CNTNAP5: variants seen among roughly 807,000 people sequenced by gnomAD.
The protein encoded by CNTNAP5 is contactin-associated protein-like 5.
Under a neutral mutation model 150.2 loss-of-function variants are expected in CNTNAP5, and 72 were observed. The observed-to-expected ratio is 0.48, with a 90% CI of 0.40 to 0.58. The LOEUF (loss-of-function observed/expected upper bound fraction) is 0.58. Among genes scored for constraint, CNTNAP5 ranks in the 20% least tolerant of loss-of-function variants. The probability of loss-of-function intolerance (pLI) is 0.00; values close to 1 mark genes in which losing one functional copy is unlikely to be tolerated. For missense variants in CNTNAP5, 1,636 were observed against 1,626.2 expected, an observed-to-expected ratio of 1.01 and a Z score of -0.10; for synonymous variants, 672 against 619.8, an observed-to-expected ratio of 1.08 and a Z score of -1.25.
At chr2:124,221,152 G>A (rs1439540830) in intron 1 of CNTNAP5, among the ~76,000 whole-genome samples, 5 of 152,192 alleles carry the variant, frequency 3.3e-5, no homozygotes, top group South Asian at 2.1e-4. Flanking sequence ...ACTGCTTCAC[G>A]GAATAGAAAT....
At chr2:124,442,261 T>C (rs1692693793) in intron 5 of CNTNAP5, among the ~76,000 whole-genome samples, 1 of 152,078 alleles carries the variant, frequency 6.6e-6, no homozygotes, top group Non-Finnish European at 1.5e-5. Flanking sequence ...GAGATGGTGG[T>C]GATGATGGTG....
chr2:124,038,990 T>C (rs1230065838), intron 1 of CNTNAP5, among the ~76,000 whole-genome samples: 2 of 152,328 alleles, frequency 1.3e-5, no homozygotes, highest in Admixed American at 6.5e-5. Flanking sequence ...ACTTCAAATA[T>C]GATCTCTGCC....
At chr2:124,118,690 CAGAG>C (rs1416523285) in intron 1 of CNTNAP5, among the ~76,000 whole-genome samples, 1 of 152,154 alleles carries the variant, frequency 6.6e-6, no homozygotes, top group Non-Finnish European at 1.5e-5. Flanking sequence ...TGCTATGTGA[CAGAG>C]AGAGACACGT....
At chr2:124,618,439 C>T (rs1677536502) in intron 12 of CNTNAP5, among the ~76,000 whole-genome samples, 1 of 151,696 alleles carries the variant, frequency 6.6e-6, no homozygotes, top group Non-Finnish European at 1.5e-5. Flanking sequence ...AGTGTAGGGA[C>T]TATAGCACAG....
At chr2:124,456,673 A>C (rs1010768001) in intron 6 of CNTNAP5, among the ~76,000 whole-genome samples, 1 of 152,300 alleles carries the variant, frequency 6.6e-6, no homozygotes, top group South Asian at 2.1e-4. Flanking sequence ...ACTATACTAT[A>C]AGGCCATAGT....
intron 1 of CNTNAP5, among the ~76,000 whole-genome samples, chr2:124,120,821 C>T (rs79064026): frequency 0.011 from 1,726 of 152,192 alleles, 41 homozygotes; most frequent in African/African-American, 0.039. Context: ...TCATTTTTCT[C>T]GTTATATGAC....
intron 19 of CNTNAP5, among the ~76,000 whole-genome samples, chr2:124,855,973 C>T (rs1443390895): frequency 6.6e-6 from 1 of 152,064 alleles, no homozygotes; most frequent in Non-Finnish European, 1.5e-5. Flanking sequence ...GTTTGGTTTT[C>T]CATGACTGAG....
chr2:124,566,751 T>G lies in CNTNAP5; in HGVS notation c.1756+3428T>G, dbSNP rs186864084. On this transcript the variant is annotated intron_variant, in intron 11 of 23. Transcript: ENST00000682447. ...TCTAACTAATTTCCCCCTCCCCCAG[T>G]TGAATGAGGACCATTGTTTTTAGTC... Among the ~76,000 whole-genome samples the G allele has an allele frequency of 5.3e-5, 8 of 152,284 alleles. No individual in the cohort carries two copies. The East Asian group carries it at 1.5e-3, about 29-fold the overall frequency.
rs780929002 is a variant in CNTNAP5, at chr2:124,713,240, TTTC to T, written c.2078-33987_2078-33985del. Among the ~76,000 whole-genome samples, 68 of 40,310 alleles carry T rather than the reference TTTC, an allele frequency of 1.7e-3. 6 individuals are homozygous for T. The highest frequency in any genetic ancestry group is 0.014 in the South Asian group (14 of 978). The allele number at this position is 40,310 out of a possible 152,430, so 26.4% of individuals were successfully genotyped here. On this transcript the variant is annotated intron_variant, in intron 13 of 23. Coordinates refer to ENST00000682447, the MANE Select transcript of CNTNAP5 (RefSeq NM_001367498.1). ...CTCTGTTTCTTTCTTTCTTTCTTTC[TTTC>T]TCTTTCTTTCTTTCTTTCTTTCTTT...
Position 124,787,715 on chromosome 2 carries a change from G to A in CNTNAP5, c.2753-2187G>A, listed in dbSNP as rs76268596. Among the ~76,000 whole-genome samples the A allele has an allele frequency of 3.2e-4, 49 of 151,920 alleles. No individual in the cohort carries two copies. In the East Asian group the frequency reaches 9.1e-3, roughly 28 times the overall value. ...CCTCAAAGCCATTGACCCACCATTGGGCCAGTCTGACTAATGCCAGGAATT... is the reference window on the plus strand; with the variant it reads ...CCTCAAAGCCATTGACCCACCATTGAGCCAGTCTGACTAATGCCAGGAATT... On this transcript the variant is annotated intron_variant, in intron 17 of 23. Coordinates refer to ENST00000682447, the MANE Select transcript of CNTNAP5 (RefSeq NM_001367498.1).
intron 2 of CNTNAP5, among the ~76,000 whole-genome samples, chr2:124,234,421 G>A (rs551264955): frequency 4.6e-5 from 7 of 152,254 alleles, no homozygotes; most frequent in Non-Finnish European, 7.4e-5. Context: ...GTATTTAAAC[G>A]TGGCTACTGT....
rs1335112343 is a variant in CNTNAP5 at position 124,565,630 on chromosome 2, T to C, written c.1756+2307T>C. 6.5e-5 allele frequency among the ~76,000 whole-genome samples: 7 copies of C among 107,804 alleles called. 1 individual carries two copies. Among genetic ancestry groups the C allele is most frequent in the Non-Finnish European group, 8.6e-5 (5 of 58,350 alleles). The allele number at this position is 107,804 out of a possible 152,430, so 70.7% of individuals were successfully genotyped here. A position where few individuals can be genotyped will look rare whatever the true frequency, so the allele number is the denominator to read the frequency against. ...TTTTTTTTTTTTTGAGATGGAGTCT[T>C]GCTCTGTCACCCAGGCTGGAGTGCA... On this transcript the variant is annotated intron_variant, in intron 11 of 23. Coordinates refer to ENST00000682447, the MANE Select transcript of CNTNAP5 (RefSeq NM_001367498.1).
At chr2:124,884,844 C>T (rs866977316) in intron 21 of CNTNAP5, among the ~76,000 whole-genome samples, 1 of 151,900 alleles carries the variant, frequency 6.6e-6, no homozygotes, top group Admixed American at 6.6e-5. Flanking sequence ...ATTCATTTTC[C>T]AAGCAGTATA....
intron 12 of CNTNAP5, among the ~76,000 whole-genome samples, chr2:124,619,862 T>C (rs1677572834): frequency 8.9e-6 from 1 of 112,238 alleles, no homozygotes; most frequent in Non-Finnish European, 1.8e-5. Context: ...TATATATATA[T>C]ATATATATAT....
rs1347781314 is a variant in CNTNAP5 at position 124,763,772 on chromosome 2, A to C, written c.2335A>C (p.Ile779Leu). 2 of 1,613,182 alleles carry C rather than the reference A, an allele frequency of 1.2e-6. No homozygotes were observed. The highest frequency in any genetic ancestry group is 2.2e-5 in the South Asian group (2 of 91,052). The change falls in exon 15 of 24, where the codon ATT (isoleucine) becomes CTT (leucine). Residue 779 changes from isoleucine to leucine, a missense_variant. Coordinates refer to ENST00000682447, the MANE Select transcript of CNTNAP5 (RefSeq NM_001367498.1). ...ATCAAACTCAGAAGCCGCTTGGAGAATTGGTCCCTTGCGTTGCTATGGTGA... is the reference window on the plus strand; with the variant it reads ...ATCAAACTCAGAAGCCGCTTGGAGACTTGGTCCCTTGCGTTGCTATGGTGA... ...DRSNSEAAWR[I>L]GPLRCYGDRR...
intron 11 of CNTNAP5, among the ~76,000 whole-genome samples, chr2:124,591,688 C>T (rs919375278): frequency 5.9e-5 from 9 of 152,100 alleles, no homozygotes; most frequent in African/African-American, 2.2e-4. Context: ...AACACCTACT[C>T]ATATTTTAAA....
rs773808423 is a variant in CNTNAP5 at position 124,921,114 on chromosome 2, G to T, written c.*6826G>T. Among the ~76,000 whole-genome samples the T allele has an allele frequency of 6.6e-6, 1 of 152,106 alleles. No individual in the cohort carries two copies. Among genetic ancestry groups the T allele is most frequent in the African/African-American group, 2.4e-5 (1 of 41,444 alleles). ...GGGGAAAAAATAAAAGTTAGCCTTA[G>T]ATTTCTTTGTTTTCTATGGTTATTG... is the stretch of plus-strand genomic sequence containing the variant. On this transcript the variant is annotated 3_prime_UTR_variant, in exon 24 of 24. Transcript: ENST00000682447.
intron 12 of CNTNAP5, among the ~76,000 whole-genome samples, chr2:124,613,879 GGACCTCC>G (rs1677440841): frequency 6.6e-6 from 1 of 152,156 alleles, no homozygotes; most frequent in Non-Finnish European, 1.5e-5. Flanking sequence ...GACTGAATCT[GGACCTCC>G]GCACACTTTT....
At chr2:124,830,200 C>G (rs992287136) in intron 19 of CNTNAP5, among the ~76,000 whole-genome samples, 1 of 151,712 alleles carries the variant, frequency 6.6e-6, no homozygotes, top group Admixed American at 6.6e-5. Flanking sequence ...GGGAAAACTG[C>G]AAAAGATGTC....
Sources: gnomAD v4.1 joint callset for allele counts (sites outside exome capture counted in the v4.1 genomes callset) on GRCh38, gnomAD v4.1.1 for gene constraint, MANE v1.5 for transcripts, NCBI Gene and HGNC (gene_info 2026-07-23, HGNC 2026-07-21) for gene names.